Variants in CDH18 observed in about 807,000 individuals in gnomAD.
The protein encoded by CDH18 is cadherin-18.
A neutral mutation model predicts 67.9 loss-of-function variants in CDH18; 31 were observed. The observed-to-expected ratio is 0.46, with a 90% CI of 0.34 to 0.62. The LOEUF (loss-of-function observed/expected upper bound fraction) is 0.62, where lower values mean the gene tolerates loss of function less well. CDH18 is among the 20% of genes least tolerant of loss of function. The probability of loss-of-function intolerance (pLI) is 0.01; values close to 1 mark genes in which losing one functional copy is unlikely to be tolerated. For missense variants in CDH18, 890 were observed against 975.5 expected, an observed-to-expected ratio of 0.91 and a Z score of 1.17; for synonymous variants, 362 against 347.2, an observed-to-expected ratio of 1.04 and a Z score of -0.48.
intron 2 of CDH18, among the ~76,000 whole-genome samples, chr5:19,956,295 T>G (rs1796251175): frequency 6.6e-6 from 1 of 152,046 alleles, no homozygotes; most frequent in South Asian, 2.1e-4. Context: ...ATTTATGCAG[T>G]GAAAAGTATA....
At chr5:19,977,661 C>G (rs1181372095) in intron 2 of CDH18, among the ~76,000 whole-genome samples, 2 of 151,966 alleles carry the variant, frequency 1.3e-5, no homozygotes, top group East Asian at 3.9e-4. Flanking sequence ...TTGATATTAG[C>G]CAAATTTAAT....
intron 5 of CDH18, among the ~76,000 whole-genome samples, chr5:19,631,267 T>A (rs1020616616): frequency 2.0e-5 from 3 of 152,002 alleles, no homozygotes; most frequent in Non-Finnish European, 2.9e-5. Context: ...CAAATGCAAA[T>A]TTTTACATAT....
rs139673131 is a variant in CDH18 at position 20,342,792 on chromosome 5, G to A, written c.-579-87287C>T. 6.5e-3 allele frequency among the ~76,000 whole-genome samples: 994 copies of A among 152,264 alleles called. 7 individuals carry two copies. Among genetic ancestry groups the A allele is most frequent in the Non-Finnish European group, 9.5e-3 (649 of 68,038 alleles). ...ATTTGCTTGGTTAGCTGAAATATGC[G>A]TTAAAAGTTGGTCCACCATGAGTGA... On this transcript the variant is annotated intron_variant, in intron 1 of 14. Coordinates refer to the CDH18 transcript ENST00000507958.
intron 1 of CDH18, among the ~76,000 whole-genome samples, chr5:20,387,357 G>T (rs1421179789): frequency 6.6e-6 from 1 of 151,980 alleles, no homozygotes; most frequent in African/African-American, 2.4e-5. Flanking sequence ...CTCATGATTT[G>T]GTTCTCTCTT....
chr5:19,781,128 G>T (rs1276646460), intron 3 of CDH18, among the ~76,000 whole-genome samples: 1 of 151,840 alleles, frequency 6.6e-6, no homozygotes, highest in African/African-American at 2.4e-5. Context: ...TATTTTTCAC[G>T]ATATTAATTA....
At chr5:19,815,628 T>G (rs568651862) in intron 3 of CDH18, among the ~76,000 whole-genome samples, 1 of 152,046 alleles carries the variant, frequency 6.6e-6, no homozygotes, top group East Asian at 1.9e-4. Context: ...GTGATAGTGA[T>G]GATGAGAGAC....
At position 19,555,489 on chromosome 5, in the gene CDH18, T is replaced by C. The variant is rs146130516; in HGVS notation, c.1254-11484A>G. Among the ~76,000 whole-genome samples, 655 of 152,254 alleles carry C rather than the reference T, an allele frequency of 4.3e-3. 5 individuals are homozygous for C. Among genetic ancestry groups the C allele is most frequent in the Non-Finnish European group, 4.0e-3 (273 of 68,004 alleles). ...GGCTGCATGGGAACAAGGTAAGGCC[T>C]GGGGCTGCCGGCTCTTCCCCCACTT... On this transcript the variant is annotated intron_variant, in intron 8 of 12. Coordinates refer to ENST00000382275, the MANE Select transcript of CDH18 (RefSeq NM_004934.5).
chr5:20,189,329 G>A (rs1478683561), intron 2 of CDH18, among the ~76,000 whole-genome samples: 2 of 151,888 alleles, frequency 1.3e-5, no homozygotes, highest in Non-Finnish European at 2.9e-5. Context: ...AGATGTGGAT[G>A]GACAACATGT....
intron 2 of CDH18, among the ~76,000 whole-genome samples, chr5:20,056,460 C>CTTTTTTTTTTTTTTTTTTTTTTT (rs1561753951): frequency 5.4e-5 from 1 of 18,648 alleles, no homozygotes; most frequent in Non-Finnish European, 1.3e-4. Flanking sequence ...TATTATTTTT[C>CTTTTTTTTTTTTTTTTTTTTTTT]TTTATTTTCT....
At chr5:20,468,095 A>C (rs1751784171) in intron 1 of CDH18, among the ~76,000 whole-genome samples, 1 of 151,866 alleles carries the variant, frequency 6.6e-6, no homozygotes, top group African/African-American at 2.4e-5. Context: ...GTTCACTGCA[A>C]CCTCTGTCTG....
chr5:19,662,853 C>A lies in CDH18; in HGVS notation c.644-50252G>T, dbSNP rs148567922. On this transcript the variant is annotated intron_variant, in intron 5 of 12. Coordinates refer to ENST00000382275, the MANE Select transcript of CDH18 (RefSeq NM_004934.5). ...TAACAAATAAAATACTACGTACGTGCGAATAATAAGTAGGTAGGCCTAGCT... is the reference window on the plus strand; with the variant it reads ...TAACAAATAAAATACTACGTACGTGAGAATAATAAGTAGGTAGGCCTAGCT... Among the ~76,000 whole-genome samples, 248 of 151,952 alleles carry A rather than the reference C, an allele frequency of 1.6e-3. 4 individuals are homozygous for A. The East Asian group carries it at 0.038, about 23-fold the overall frequency.
intron 1 of CDH18, among the ~76,000 whole-genome samples, chr5:20,276,399 C>G (rs1187881769): frequency 6.6e-6 from 1 of 152,154 alleles, no homozygotes; most frequent in Admixed American, 6.5e-5. Flanking sequence ...CCATTCCAGG[C>G]TCTCACTCCT....
intron 1 of CDH18, among the ~76,000 whole-genome samples, chr5:20,435,122 C>A (rs1017546191): frequency 6.6e-6 from 1 of 151,898 alleles, no homozygotes; most frequent in Non-Finnish European, 1.5e-5. Flanking sequence ...CAGTAGTGAC[C>A]GTTCCCTCTC....
chr5:20,313,224 G>A (rs1197148453), intron 1 of CDH18, among the ~76,000 whole-genome samples: 2 of 152,024 alleles, frequency 1.3e-5, no homozygotes, highest in African/African-American at 4.8e-5. Context: ...ATTTTAAAAT[G>A]TTTCCTATTA....
chr5:19,478,880 C>T (rs1738936975), intron 12 of CDH18, among the ~76,000 whole-genome samples: 1 of 152,158 alleles, frequency 6.6e-6, no homozygotes, highest in Non-Finnish European at 1.5e-5. Context: ...TAAAGGCTCA[C>T]TCTAAATTCT....
chr5:19,811,124 AAG>A (rs1406393897), intron 3 of CDH18, among the ~76,000 whole-genome samples: 1 of 122,656 alleles, frequency 8.2e-6, no homozygotes, highest in Non-Finnish European at 1.7e-5. Flanking sequence ...GAAAGAAAGA[AAG>A]AAAGAAAGAA....
chr5:20,556,030 G>A (rs959867758), intron 1 of CDH18, among the ~76,000 whole-genome samples: 2 of 152,046 alleles, frequency 1.3e-5, no homozygotes, highest in Admixed American at 6.6e-5. Flanking sequence ...TATCTCTTTT[G>A]TTTCCTTTAC....
chr5:20,414,687 A>G (rs1424361655), intron 1 of CDH18, among the ~76,000 whole-genome samples: 3 of 152,224 alleles, frequency 2.0e-5, no homozygotes, highest in Non-Finnish European at 4.4e-5. Context: ...TTTTTTTAAG[A>G]CATAGAAATG....
At chr5:19,974,110 T>C (rs557272600) in intron 2 of CDH18, among the ~76,000 whole-genome samples, 6 of 152,008 alleles carry the variant, frequency 3.9e-5, no homozygotes, top group Admixed American at 6.6e-5. Flanking sequence ...TTAGAACATA[T>C]AGGATCTGAC....
Sources: gnomAD v4.1 joint callset for allele counts (sites outside exome capture counted in the v4.1 genomes callset) on GRCh38, gnomAD v4.1.1 for gene constraint, MANE v1.5 for transcripts, NCBI Gene and HGNC (gene_info 2026-07-23, HGNC 2026-07-21) for gene names.